WDR25: variants seen among roughly 807,000 people sequenced by gnomAD.
WDR25 encodes the protein WD repeat-containing protein 25.
Under a neutral mutation model 47.7 loss-of-function variants are expected in WDR25, and 35 were observed. That is an observed-to-expected ratio of 0.73 (90% confidence interval 0.56 to 0.97). The LOEUF is 0.97. Among genes scored for constraint, WDR25 ranks in the 50% least tolerant of loss-of-function variants. WDR25 has a pLI of 0.00. For missense variants in WDR25, 634 were observed against 704.7 expected, an observed-to-expected ratio of 0.90 and a Z score of 1.14; for synonymous variants, 248 against 278.9, an observed-to-expected ratio of 0.89 and a Z score of 1.10.
At chr14:100,403,094 A>G (rs1897427944) in intron 2 of WDR25, among the ~76,000 whole-genome samples, 1 of 152,148 alleles carries the variant, frequency 6.6e-6, no homozygotes, top group East Asian at 1.9e-4. Context: ...ATAGTGTCCT[A>G]TCCTTTCTAC....
chr14:100,447,556 C>T (rs1487324609), intron 2 of WDR25, among the ~76,000 whole-genome samples: 1 of 152,048 alleles, frequency 6.6e-6, no homozygotes, highest in African/African-American at 2.4e-5. Context: ...TTGGGGTAAT[C>T]TGGGGCAAGG....
intron 2 of WDR25, among the ~76,000 whole-genome samples, chr14:100,467,723 T>C (rs981451775): frequency 6.6e-6 from 1 of 152,042 alleles, no homozygotes; most frequent in Non-Finnish European, 1.5e-5. Flanking sequence ...TGAGCTCAAA[T>C]AGTCTGCCCA....
At chr14:100,458,461 T>C (rs905612829) in intron 2 of WDR25, among the ~76,000 whole-genome samples, 1 of 152,002 alleles carries the variant, frequency 6.6e-6, no homozygotes. Flanking sequence ...ACAATTATAG[T>C]TGGAGATTTC....
chr14:100,517,217 G>A (rs971749426), intron 4 of WDR25, among the ~76,000 whole-genome samples: 1 of 140,720 alleles, frequency 7.1e-6, no homozygotes, highest in South Asian at 2.3e-4. Flanking sequence ...CAGGGTTCAC[G>A]CCATTCTCCT....
At position 100,464,734 on chromosome 14, in the gene WDR25, C is replaced by CCATCT. The variant is rs11275025; in HGVS notation, c.823-3221_823-3217dup. The stretch of plus-strand genomic sequence containing the variant: ...CCTACCCCATCTCATCTCCCCTACT[C>CCATCT]CATCTCATCTCATCTCATCTCATCT... On this transcript the variant is annotated intron_variant, in intron 2 of 6. Transcript: ENST00000402312. Among the ~76,000 whole-genome samples the CCATCT allele has an allele frequency of 2.6e-3, 150 of 57,508 alleles. 1 individual carries two copies. Among genetic ancestry groups the CCATCT allele is most frequent in the South Asian group, 6.7e-3 (7 of 1,038 alleles). 37.7% of individuals were successfully genotyped at this position (57,508 alleles called of 152,430 possible).
rs1376760149 is a variant in WDR25 at position 100,529,887 on chromosome 14, A to T, written c.1481A>T (p.Asp494Val). 6.2e-7 allele frequency: 1 copy of T among 1,613,164 alleles called. No homozygotes were observed. Residue 494 changes from aspartate to valine, a missense_variant, in exon 7 of 7, where the codon GAT (aspartate) becomes GTT (valine). Transcript: ENST00000402312. The surrounding 1 kb of genome is among the most constrained non-coding windows in gnomAD (Gnocchi z 5.1). ...GACTTGCTGGTGACGGGCAGCGCCG[A>T]TGGCCGGGTCCTGATGTACAGCTTC... ...GGDLLVTGSA[D>V]GRVLMYSFRT...
intron 1 of WDR25, among the ~76,000 whole-genome samples, chr14:100,377,966 G>C (rs1291842585): frequency 1.3e-5 from 2 of 152,018 alleles, no homozygotes; most frequent in Non-Finnish European, 2.9e-5. Flanking sequence ...GGGTGCACTG[G>C]GTTTTCTTGG....
At chr14:100,383,622 C>T (rs1896955207) in intron 2 of WDR25, among the ~76,000 whole-genome samples, 1 of 152,226 alleles carries the variant, frequency 6.6e-6, no homozygotes, top group African/African-American at 2.4e-5. Flanking sequence ...GCTCCCTGGG[C>T]CCTGCTGGCA....
At chr14:100,463,955 C>T (rs909018310) in intron 2 of WDR25, among the ~76,000 whole-genome samples, 4 of 152,188 alleles carry the variant, frequency 2.6e-5, no homozygotes, top group Non-Finnish European at 4.4e-5. Context: ...CTTGCAGAAG[C>T]CTCCTGATTG....
At chr14:100,421,132 G>T (rs1898014947) in intron 2 of WDR25, among the ~76,000 whole-genome samples, 1 of 152,174 alleles carries the variant, frequency 6.6e-6, no homozygotes. Flanking sequence ...TTTTAACAGT[G>T]TCCAGACAGA....
At chr14:100,514,191 C>T (rs796639846) in intron 4 of WDR25, among the ~76,000 whole-genome samples, 6 of 152,294 alleles carry the variant, frequency 3.9e-5, no homozygotes, top group African/African-American at 1.4e-4. Flanking sequence ...CCGCCTCGGC[C>T]TCCCAAAGTG....
chr14:100,489,918 CCCT>C (rs1442165356), intron 4 of WDR25, among the ~76,000 whole-genome samples: 1 of 152,206 alleles, frequency 6.6e-6, no homozygotes, highest in African/African-American at 2.4e-5. Context: ...CTCCAGCATA[CCCT>C]GGTGTCACAT....
intron 2 of WDR25, among the ~76,000 whole-genome samples, chr14:100,448,309 A>C (rs551075014): frequency 4.6e-5 from 7 of 152,290 alleles, no homozygotes; most frequent in African/African-American, 1.7e-4. Flanking sequence ...TCTGCATAGA[A>C]AAATACTGTG....
chr14:100,517,076 A>G (rs1901523499), intron 4 of WDR25, among the ~76,000 whole-genome samples: 1 of 139,536 alleles, frequency 7.2e-6, no homozygotes, highest in East Asian at 2.1e-4. Flanking sequence ...GACCACAGGC[A>G]TGAGCCACTG....
In WDR25 at chr14:100,381,100, A is replaced by G. The variant is rs2273801; in HGVS notation, c.176A>G (p.Lys59Arg). The change falls in exon 2 of 7, where the codon AAA (lysine) becomes AGA (arginine). Residue 59 changes from lysine to arginine, a missense_variant. Coordinates refer to ENST00000402312, the MANE Select transcript of WDR25 (RefSeq NM_001161476.3). ...GCATCTGGTACACTGGATGTGCCCAAAGCAGGGGCACAGCCCACAAAGCAT... is the reference window on the plus strand; with the variant it reads ...GCATCTGGTACACTGGATGTGCCCAGAGCAGGGGCACAGCCCACAAAGCAT... The part of the protein sequence containing the change: ...DFASGTLDVP[K>R]AGAQPTKHGS... The G allele has an allele frequency of 0.036, 57,773 of 1,614,188 alleles. 1,248 individuals carry two copies. The highest frequency in any genetic ancestry group is 0.084 in the African/African-American group (6,268 of 75,050).
At chr14:100,390,101 T>C (rs1225522607) in intron 2 of WDR25, among the ~76,000 whole-genome samples, 2 of 152,236 alleles carry the variant, frequency 1.3e-5, no homozygotes, top group Non-Finnish European at 2.9e-5. Flanking sequence ...AATTGAAGAA[T>C]AATATATATT....
chr14:100,419,937 G>A (rs572695050), intron 2 of WDR25, among the ~76,000 whole-genome samples: 22 of 152,372 alleles, frequency 1.4e-4, no homozygotes, highest in African/African-American at 5.1e-4. Flanking sequence ...GTATGCAGGG[G>A]CACATGATGT....
At chr14:100,478,901 G>A (rs1900108536) in intron 3 of WDR25, among the ~76,000 whole-genome samples, 1 of 152,122 alleles carries the variant, frequency 6.6e-6, no homozygotes, top group African/African-American at 2.4e-5. Flanking sequence ...TATATGCTAT[G>A]GTCTAAAAAA....
chr14:100,386,718 C>T (rs1897026829), intron 2 of WDR25, among the ~76,000 whole-genome samples: 1 of 151,924 alleles, frequency 6.6e-6, no homozygotes, highest in African/African-American at 2.4e-5. Flanking sequence ...ATGGTGAAAC[C>T]CCGTCTCTAC....
Sources: allele counts gnomAD v4.1 joint callset (sites outside exome capture counted in the v4.1 genomes callset), GRCh38; gene constraint gnomAD v4.1.1; non-coding constraint Gnocchi (gnomAD v3.1); transcripts MANE v1.5; gene names NCBI Gene and HGNC (gene_info 2026-07-23, HGNC 2026-07-21).